Variants in ATP8A1 observed in about 807,000 individuals in gnomAD.
ATP8A1 encodes the protein phospholipid-transporting ATPase IA.
Under a neutral mutation model 177.7 loss-of-function variants are expected in ATP8A1, and 90 were observed. The observed-to-expected ratio is 0.51, with a 90% CI of 0.43 to 0.60. The LOEUF is 0.60. Among genes scored for constraint, ATP8A1 ranks in the 20% least tolerant of loss-of-function variants. ATP8A1 has a pLI of 0.00. For synonymous variants in ATP8A1, 493 were observed against 485.9 expected (o/e 1.01, Z -0.19); for missense variants, 1,072 against 1,392.8 (o/e 0.77, Z 3.67).
intron 14 of ATP8A1, among the ~76,000 whole-genome samples, chr4:42,573,393 G>T (rs1732098329): frequency 6.6e-6 from 1 of 152,170 alleles, no homozygotes; most frequent in Admixed American, 6.6e-5. Flanking sequence ...CAAAAAGTGT[G>T]GCTGCAACTC....
intron 33 of ATP8A1, among the ~76,000 whole-genome samples, chr4:42,425,220 G>T (rs1714449579): frequency 1.3e-5 from 2 of 152,002 alleles, no homozygotes; most frequent in African/African-American, 4.8e-5. Context: ...ATTTTAATTT[G>T]GTTGGGGGGG....
chr4:42,541,647 A>G (rs910478146), intron 20 of ATP8A1, among the ~76,000 whole-genome samples: 1 of 152,248 alleles, frequency 6.6e-6, no homozygotes, highest in Non-Finnish European at 1.5e-5. Flanking sequence ...AGGTGAACGC[A>G]TAAACTGTGG....
chr4:42,475,396 T>C (rs1241890080), intron 25 of ATP8A1, among the ~76,000 whole-genome samples: 3 of 147,874 alleles, frequency 2.0e-5, no homozygotes, highest in Non-Finnish European at 4.4e-5. Flanking sequence ...CACTATATTA[T>C]ACAGAAGGAT....
intron 1 of ATP8A1, among the ~76,000 whole-genome samples, chr4:42,654,874 CTTAGGAAAGGTAGGACTATATTTT>C (rs748577461): frequency 1.1e-4 from 17 of 152,162 alleles, no homozygotes; most frequent in Non-Finnish European, 2.2e-4. Context: ...GAGAATATTC[CTTAGGAAAGGTAGGACTATATTTT>C]TTAGGAAAGA....
At chr4:42,648,565 CTG>C (rs912644086) in intron 1 of ATP8A1, among the ~76,000 whole-genome samples, 41 of 151,910 alleles carry the variant, frequency 2.7e-4, no homozygotes, top group Non-Finnish European at 2.4e-4. Flanking sequence ...ACTAATATAA[CTG>C]TTTAAAATGA....
intron 3 of ATP8A1, chr4:42,625,040 T>A (rs1217349324): frequency 7.7e-6 from 1 of 129,462 alleles, no homozygotes; most frequent in Non-Finnish European, 1.7e-5. Context: ...AAACGATGCT[T>A]GGGAGGAAAA....
At chr4:42,459,411 A>G in intron 27 of ATP8A1, 1 of 212,670 alleles carries the variant, frequency 4.7e-6, no homozygotes. Flanking sequence ...GGACATTCTT[A>G]TTTTATAAAA....
intron 22 of ATP8A1, among the ~76,000 whole-genome samples, chr4:42,516,518 T>C (rs1560412271): frequency 6.6e-6 from 1 of 152,260 alleles, no homozygotes; most frequent in Non-Finnish European, 1.5e-5. Context: ...TACGCTGTTT[T>C]CTGTAATTCT....
At chr4:42,448,670 T>A (rs549840868) in intron 30 of ATP8A1, among the ~76,000 whole-genome samples, 42 of 151,346 alleles carry the variant, frequency 2.8e-4, no homozygotes, top group African/African-American at 1.0e-3. Flanking sequence ...AGTGCTGGGA[T>A]TACAGGTGTG....
At chr4:42,466,031 CAA>C (rs57949092) in intron 25 of ATP8A1, among the ~76,000 whole-genome samples, 3 of 108,118 alleles carry the variant, frequency 2.8e-5, no homozygotes, top group South Asian at 3.2e-4. Flanking sequence ...GACTCCGTCT[CAA>C]AAAAAAAAAA....
At chr4:42,468,207 T>C (rs962385345) in intron 25 of ATP8A1, among the ~76,000 whole-genome samples, 1 of 152,144 alleles carries the variant, frequency 6.6e-6, no homozygotes, top group Non-Finnish European at 1.5e-5. Context: ...TACCATTTGA[T>C]CCAGCAATCC....
At chr4:42,446,114 T>G (rs6816387) in intron 31 of ATP8A1, among the ~76,000 whole-genome samples, 48,121 of 122,958 alleles carry the variant, frequency 0.39, 9,687 homozygotes, top group Middle Eastern at 0.55. Context: ...AGAGATATAG[T>G]TTGAAATAAA....
intron 1 of ATP8A1, among the ~76,000 whole-genome samples, chr4:42,628,626 TCA>T (rs1738375517): frequency 1.3e-5 from 2 of 151,390 alleles, no homozygotes; most frequent in Admixed American, 1.3e-4. Flanking sequence ...GCAGCTTTGC[TCA>T]CAGTGTTTCC....
intron 15 of ATP8A1, among the ~76,000 whole-genome samples, chr4:42,567,505 T>C (rs1391653023): frequency 2.6e-5 from 4 of 152,134 alleles, no homozygotes; most frequent in African/African-American, 9.7e-5. Flanking sequence ...TGCCACTGCA[T>C]TCCAGCCTGG....
At chr4:42,654,424 A>G (rs1265124802) in intron 1 of ATP8A1, among the ~76,000 whole-genome samples, 2 of 152,128 alleles carry the variant, frequency 1.3e-5, no homozygotes, top group Non-Finnish European at 2.9e-5. Context: ...GGGGGGGAAA[A>G]GAGCTTATTT....
chr4:42,570,662 C>T (rs1449685183), intron 14 of ATP8A1, among the ~76,000 whole-genome samples: 1 of 152,240 alleles, frequency 6.6e-6, no homozygotes, highest in African/African-American at 2.4e-5. Flanking sequence ...AGGTGGCCTG[C>T]AAACCTGCCA....
At chr4:42,451,950 A>T (rs370341184) in intron 30 of ATP8A1, 31 bp downstream of exon 30, 2 of 1,456,958 alleles carry the variant, frequency 1.4e-6, no homozygotes, top group Non-Finnish European at 1.9e-6. Flanking sequence ...GTAAAAAGTC[A>T]TCTCTTTGCA....
At chr4:42,619,663 T>A (rs1406008282) in intron 4 of ATP8A1, among the ~76,000 whole-genome samples, 5 of 151,632 alleles carry the variant, frequency 3.3e-5, no homozygotes, top group Non-Finnish European at 7.4e-5. Context: ...ATAGAGAGAT[T>A]TAAAAACATT....
chr4:42,560,915 T>C (rs1730752340), intron 15 of ATP8A1, among the ~76,000 whole-genome samples: 2 of 152,244 alleles, frequency 1.3e-5, no homozygotes, highest in South Asian at 2.1e-4. Flanking sequence ...TTTTCCCATT[T>C]AACAAGTTTT....
Sources: allele counts gnomAD v4.1 joint callset (sites outside exome capture counted in the v4.1 genomes callset), GRCh38; gene constraint gnomAD v4.1.1; transcripts MANE v1.5; gene names NCBI Gene and HGNC (gene_info 2026-07-23, HGNC 2026-07-21).